SGCD: variants seen among roughly 807,000 people sequenced by gnomAD.
The protein encoded by SGCD is delta-sarcoglycan.
A neutral mutation model predicts 36.6 loss-of-function variants in SGCD; 18 were observed. The ratio of observed to expected loss-of-function variants is 0.49; its 90% CI spans 0.34 to 0.73. The LOEUF (loss-of-function observed/expected upper bound fraction) is 0.73, where lower values mean the gene tolerates loss of function less well. SGCD is among the 30% of genes least tolerant of loss of function. The pLI is 0.01. For synonymous variants in SGCD, 133 were observed against 130.6 expected, an observed-to-expected ratio of 1.02 and a Z score of -0.12; for missense variants, 387 against 346.7, an observed-to-expected ratio of 1.12 and a Z score of -0.92.
chr5:155,793,461 A>G, the SGCD span, among the ~76,000 whole-genome samples: 1 of 152,200 alleles, frequency 6.6e-6, no homozygotes, highest in Admixed American at 6.5e-5. Context: ...GTAGATTATA[A>G]TATCAAGCAA....
rs138274252 is a variant in SGCD, at chr5:156,162,875, A to G, written c.-44+38856A>G. On this transcript the variant is annotated intron_variant, in intron 3 of 9. Coordinates refer to the SGCD transcript ENST00000517913. Reference sequence around the variant, plus strand: ...AAAATCCTTAACTTGAATGGGTTCTATAATAGCCCACACACTAACCCTGGG... The same window carrying G: ...AAAATCCTTAACTTGAATGGGTTCTGTAATAGCCCACACACTAACCCTGGG... Among the ~76,000 whole-genome samples, 270 of 151,694 alleles carry G rather than the reference A, an allele frequency of 1.8e-3. 14 individuals carry two copies. The highest frequency in any genetic ancestry group is 6.2e-3 in the African/African-American group (256 of 41,002).
At chr5:156,101,079 G>A (rs1761506490) in intron 1 of SGCD, among the ~76,000 whole-genome samples, 1 of 152,174 alleles carries the variant, frequency 6.6e-6, no homozygotes, top group African/African-American at 2.4e-5. Flanking sequence ...TAAGGATACA[G>A]TGAGAAGCCA....
chr5:156,461,618 C>T lies in SGCD; in HGVS notation c.193-46983C>T, dbSNP rs559463591. 1.1e-3 allele frequency among the ~76,000 whole-genome samples: 170 copies of T among 151,792 alleles called. 2 individuals are homozygous for T. Among genetic ancestry groups the T allele is most frequent in the African/African-American group, 3.7e-3 (154 of 41,430 alleles). ...CCATGGATTTTCACTCTTTTTTTCTCGGGTCCTTTCCCTTTTTACTTATCA... is the reference window on the plus strand; with the variant it reads ...CCATGGATTTTCACTCTTTTTTTCTTGGGTCCTTTCCCTTTTTACTTATCA... On this transcript the variant is annotated intron_variant, in intron 3 of 8. Coordinates refer to ENST00000337851, the MANE Select transcript of SGCD (RefSeq NM_000337.6).
At chr5:156,450,684 A>G (rs914225528) in intron 3 of SGCD, among the ~76,000 whole-genome samples, 1 of 152,124 alleles carries the variant, frequency 6.6e-6, no homozygotes, top group Non-Finnish European at 1.5e-5. Context: ...CCTATTGCCA[A>G]CAAAACACTG....
chr5:156,558,124 T>TATATA (rs56288003), intron 4 of SGCD, among the ~76,000 whole-genome samples: 89 of 123,370 alleles, frequency 7.2e-4, no homozygotes, highest in African/African-American at 1.2e-3. Flanking sequence ...TATATATATA[T>TATATA]TATTTAACTC....
intron 1 of SGCD, among the ~76,000 whole-genome samples, chr5:155,994,889 T>G (rs1206572734): frequency 6.6e-6 from 1 of 152,144 alleles, no homozygotes; most frequent in African/African-American, 2.4e-5. Flanking sequence ...ATTTTCCTGG[T>G]ATTCCTGTGG....
At chr5:156,718,184 C>T (rs769415966) in intron 7 of SGCD, among the ~76,000 whole-genome samples, 3 of 152,090 alleles carry the variant, frequency 2.0e-5, no homozygotes, top group Non-Finnish European at 4.4e-5. Context: ...AAATTCCATG[C>T]CATGTTCTTC....
In SGCD at chr5:156,582,521, C is replaced by A. The variant is rs150936931; in HGVS notation, c.295-6710C>A. Among the ~76,000 whole-genome samples the A allele has an allele frequency of 4.3e-3, 648 of 152,272 alleles. 1 individual carries two copies. The highest frequency in any genetic ancestry group is 7.8e-3 in the Non-Finnish European group (529 of 68,002). On this transcript the variant is annotated intron_variant, in intron 4 of 8. Coordinates refer to ENST00000337851, the MANE Select transcript of SGCD (RefSeq NM_000337.6). ...CTCCCACAGAGCTGAATCCAGGTTA[C>A]ACTCCGTTGCTTTGGGCTCTTGGGT...
At chr5:156,071,026 T>C (rs1177544320) in intron 1 of SGCD, among the ~76,000 whole-genome samples, 3 of 152,218 alleles carry the variant, frequency 2.0e-5, no homozygotes, top group African/African-American at 7.2e-5. Flanking sequence ...CTCTCTTTTC[T>C]TCTTTATTAG....
At chr5:156,257,452 C>T (rs1463308490) in intron 3 of SGCD, among the ~76,000 whole-genome samples, 1 of 151,804 alleles carries the variant, frequency 6.6e-6, no homozygotes, top group Admixed American at 6.6e-5. Context: ...CCAGCCTGGG[C>T]GACAGAGCGA....
At chr5:156,056,266 G>C (rs929796309) in intron 1 of SGCD, among the ~76,000 whole-genome samples, 2 of 145,950 alleles carry the variant, frequency 1.4e-5, no homozygotes, top group Non-Finnish European at 3.1e-5. Context: ...GTTTAACTCT[G>C]AAACAAAGAT....
At chr5:156,263,541 G>T (rs1169794845) in intron 3 of SGCD, among the ~76,000 whole-genome samples, 1 of 152,010 alleles carries the variant, frequency 6.6e-6, no homozygotes, top group Non-Finnish European at 1.5e-5. Context: ...CCACTCTGTG[G>T]GTTGTCTCTT....
At chr5:156,351,594 A>G (rs1437076619) in intron 3 of SGCD, among the ~76,000 whole-genome samples, 2 of 131,656 alleles carry the variant, frequency 1.5e-5, no homozygotes, top group African/African-American at 6.0e-5. Context: ...AGTGTTTGCT[A>G]TCGTCGTAGT....
intron 1 of SGCD, among the ~76,000 whole-genome samples, chr5:156,016,568 T>A (rs890277876): frequency 1.3e-5 from 2 of 152,142 alleles, no homozygotes; most frequent in African/African-American, 4.8e-5. Context: ...TTACTCTTTC[T>A]GTATTTCTTT....
chr5:156,442,688 A>G (rs1431407280), intron 3 of SGCD, among the ~76,000 whole-genome samples: 3 of 152,210 alleles, frequency 2.0e-5, no homozygotes, highest in Non-Finnish European at 4.4e-5. Flanking sequence ...CATCAAGATA[A>G]AAGCCCTTTG....
chr5:156,173,393 A>G (rs1235279935), intron 3 of SGCD, among the ~76,000 whole-genome samples: 1 of 152,216 alleles, frequency 6.6e-6, no homozygotes, highest in African/African-American at 2.4e-5. Flanking sequence ...TAATGCACAC[A>G]CAAATATACA....
intron 3 of SGCD, among the ~76,000 whole-genome samples, chr5:156,249,042 C>G (rs1765510280): frequency 6.6e-6 from 1 of 152,138 alleles, no homozygotes; most frequent in Non-Finnish European, 1.5e-5. Flanking sequence ...AACTTTGAGA[C>G]ACTAAATTAA....
intron 3 of SGCD, among the ~76,000 whole-genome samples, chr5:156,415,155 C>T (rs1380226931): frequency 1.3e-5 from 2 of 151,844 alleles, no homozygotes; most frequent in East Asian, 1.9e-4. Context: ...TACTCTATCT[C>T]GTATTCTAGA....
intron 7 of SGCD, among the ~76,000 whole-genome samples, chr5:156,755,813 T>G (rs919572164): frequency 1.5e-4 from 23 of 152,154 alleles, no homozygotes; most frequent in Admixed American, 5.9e-4. Context: ...CTATTGCTTC[T>G]CTTGATGATT....
Sources: allele counts gnomAD v4.1 joint callset (sites outside exome capture counted in the v4.1 genomes callset), GRCh38; gene constraint gnomAD v4.1.1; transcripts MANE v1.5; gene names NCBI Gene and HGNC (gene_info 2026-07-23, HGNC 2026-07-21).